Variants in GABRA3 observed in about 807,000 individuals in gnomAD.
GABRA3 encodes gamma-aminobutyric acid type A receptor subunit alpha3, also known as gamma-aminobutyric acid receptor subunit alpha-3.
A neutral mutation model predicts 30.1 loss-of-function variants in GABRA3; 10 were observed. That is an observed-to-expected ratio of 0.33 (90% CI 0.20 to 0.56). The LOEUF (loss-of-function observed/expected upper bound fraction) is 0.56, where lower values mean the gene tolerates loss of function less well. Ranked by LOEUF, GABRA3 falls within the 20% of genes least tolerant of loss-of-function variation. GABRA3 has a pLI of 0.89. For synonymous variants in GABRA3, 151 were observed against 146.8 expected (o/e 1.03, Z -0.21); for missense variants, 233 against 392.0 (o/e 0.59, Z 3.42).
At chrX:152,230,080 A>T in intron 5 of GABRA3, among the ~76,000 whole-genome samples, 1 of 111,700 alleles carries the variant, frequency 9.0e-6, no homozygotes, top group South Asian at 3.7e-4. Context: ...TAGCCAGTCA[A>T]AGAAGAAAAG....
At chrX:152,171,848 T>C (rs989974418) in intron 9 of GABRA3, among the ~76,000 whole-genome samples, 2 of 111,917 alleles carry the variant, frequency 1.8e-5, no homozygotes, top group African/African-American at 6.5e-5. Context: ...AAAAATCTAT[T>C]TCATGTGGGT....
chrX:152,213,848 T>C (rs1344629359), intron 6 of GABRA3, among the ~76,000 whole-genome samples: 1 of 112,124 alleles, frequency 8.9e-6, no homozygotes, highest in East Asian at 2.8e-4. Context: ...GTCCTTCCCT[T>C]AATGTGTATT....
At chrX:152,348,390 T>G (rs766629422) in intron 2 of GABRA3, among the ~76,000 whole-genome samples, 82 of 111,662 alleles carry the variant, frequency 7.3e-4, no homozygotes, top group African/African-American at 2.4e-3. Context: ...CTAAAACATG[T>G]CCATTGCACC....
At chrX:152,291,190 T>C (rs1411137633) in intron 3 of GABRA3, among the ~76,000 whole-genome samples, 1 of 111,867 alleles carries the variant, frequency 8.9e-6, no homozygotes, top group Non-Finnish European at 1.9e-5. Flanking sequence ...TTTTATTTCG[T>C]TGAGCAATAG....
At position 152,380,732 on chromosome X, in the gene GABRA3, T is replaced by A. The variant is rs184968826; in HGVS notation, c.-26-16136A>T. On this transcript the variant is annotated intron_variant, in intron 1 of 9. Transcript: ENST00000370314. ...CCAACAATGTACAAGAGTTCCCTTT[T>A]CTCTGTATTAATGCCGGCACTTATC... Among the ~76,000 whole-genome samples the A allele has an allele frequency of 3.6e-5, 4 of 112,140 alleles. No individual in the cohort carries two copies. In the Admixed American group the frequency reaches 3.8e-4, roughly 11 times the overall value.
intron 1 of GABRA3, among the ~76,000 whole-genome samples, chrX:152,410,682 T>C (rs1043588119): frequency 1.8e-5 from 2 of 110,615 alleles, no homozygotes; most frequent in Non-Finnish European, 3.8e-5. Context: ...AAAAAAGCAA[T>C]AGTAACCAAT....
intron 1 of GABRA3, among the ~76,000 whole-genome samples, chrX:152,416,566 T>A (rs1308231455): frequency 2.7e-5 from 3 of 110,242 alleles, no homozygotes; most frequent in Admixed American, 1.9e-4. Context: ...CATCGCCAAG[T>A]CAATCCTAAG....
chrX:152,315,518 C>T (rs894636839), intron 3 of GABRA3, among the ~76,000 whole-genome samples: 5 of 111,399 alleles, frequency 4.5e-5, no homozygotes, highest in Non-Finnish European at 9.4e-5. Flanking sequence ...CAGGGGAAGG[C>T]ATGAATCTGG....
At chrX:152,325,523 C>T (rs1165126963) in intron 3 of GABRA3, among the ~76,000 whole-genome samples, 3 of 111,870 alleles carry the variant, frequency 2.7e-5, no homozygotes, top group African/African-American at 6.5e-5. Context: ...CAGGCAGCAA[C>T]ATCTGCTGTT....
At chrX:152,271,126 C>T (rs1036012288) in intron 4 of GABRA3, among the ~76,000 whole-genome samples, 1 of 109,748 alleles carries the variant, frequency 9.1e-6, no homozygotes, top group Non-Finnish European at 1.9e-5. Flanking sequence ...CCATGCCTGG[C>T]TAATTATTGC....
At chrX:152,287,160 T>C (rs1939311482) in intron 3 of GABRA3, among the ~76,000 whole-genome samples, 1 of 112,153 alleles carries the variant, frequency 8.9e-6, no homozygotes, top group African/African-American at 3.2e-5. Flanking sequence ...GGCAAAAACA[T>C]TGCAGATACA....
At chrX:152,266,397 T>C (rs758669834) in intron 4 of GABRA3, among the ~76,000 whole-genome samples, 2 of 112,109 alleles carry the variant, frequency 1.8e-5, no homozygotes, top group South Asian at 3.7e-4. Flanking sequence ...ATCATTTCAA[T>C]TGATGCTGAA....
At chrX:152,222,119 T>C (rs1037577284) in intron 6 of GABRA3, among the ~76,000 whole-genome samples, 1 of 111,014 alleles carries the variant, frequency 9.0e-6, no homozygotes, top group Non-Finnish European at 1.9e-5. Flanking sequence ...TTCAGTCTAT[T>C]ATTGATGGGC....
At chrX:152,242,009 T>C (rs1938387821) in intron 5 of GABRA3, among the ~76,000 whole-genome samples, 1 of 111,957 alleles carries the variant, frequency 8.9e-6, no homozygotes, top group Non-Finnish European at 1.9e-5. Flanking sequence ...CTGTTCCTAT[T>C]CGGCCATCTT....
intron 1 of GABRA3, among the ~76,000 whole-genome samples, chrX:152,450,037 G>T (rs1178726131): frequency 9.0e-6 from 1 of 111,080 alleles, no homozygotes; most frequent in Non-Finnish European, 1.9e-5. Flanking sequence ...GCACAGCAGC[G>T]TCACTCACTT....
At chrX:152,397,228 C>T (rs899557813) in intron 1 of GABRA3, among the ~76,000 whole-genome samples, 3 of 111,753 alleles carry the variant, frequency 2.7e-5, no homozygotes, top group East Asian at 5.7e-4. Context: ...CTCTTTACAC[C>T]TTCTGTGGCT....
intron 5 of GABRA3, among the ~76,000 whole-genome samples, chrX:152,240,357 G>C (rs1463129461): frequency 1.1e-5 from 1 of 93,933 alleles, no homozygotes; most frequent in Admixed American, 1.2e-4. Context: ...TTTCTGCTGA[G>C]AGATCCGCTG....
At chrX:152,390,682 C>T (rs1365783655) in intron 1 of GABRA3, among the ~76,000 whole-genome samples, 1 of 111,890 alleles carries the variant, frequency 8.9e-6, no homozygotes, top group African/African-American at 3.2e-5. Context: ...CTATAACACA[C>T]ACCAAGATAA....
intron 1 of GABRA3, among the ~76,000 whole-genome samples, chrX:152,413,892 G>C (rs1180451733): frequency 9.2e-6 from 1 of 108,241 alleles, no homozygotes; most frequent in Admixed American, 9.9e-5. Flanking sequence ...AAAATCCCGA[G>C]GAATAAAAAA....
Sources: gnomAD v4.1 joint callset for allele counts (sites outside exome capture counted in the v4.1 genomes callset) on GRCh38, gnomAD v4.1.1 for gene constraint, MANE v1.5 for transcripts, NCBI Gene and HGNC (gene_info 2026-07-23, HGNC 2026-07-21) for gene names.